The following BRINP3 variants were observed in gnomAD, a reference collection of about 807,000 sequenced individuals.
BRINP3 encodes the protein BMP/retinoic acid inducible neural specific 3.
A neutral mutation model predicts 71.0 loss-of-function variants in BRINP3; 19 were observed. The ratio of observed to expected loss-of-function variants is 0.27; its 90% CI spans 0.19 to 0.39. The LOEUF is 0.39. BRINP3 is among the 10% of genes least tolerant of loss of function. The probability of loss-of-function intolerance (pLI) is 1.00; values close to 1 mark genes in which losing one functional copy is unlikely to be tolerated. For synonymous variants in BRINP3, 380 were observed against 337.7 expected (o/e 1.13, Z -1.37); for missense variants, 959 against 940.8 (o/e 1.02, Z -0.25).
At chr1:190,341,526 T>C (rs1199899452) in intron 2 of BRINP3, among the ~76,000 whole-genome samples, 2 of 151,820 alleles carry the variant, frequency 1.3e-5, no homozygotes, top group African/African-American at 2.4e-5. Context: ...TAAGCACATA[T>C]AGCATAATAC....
intron 2 of BRINP3, among the ~76,000 whole-genome samples, chr1:190,326,721 CAAAT>C (rs1252645868): frequency 6.6e-6 from 1 of 151,918 alleles, no homozygotes; most frequent in African/African-American, 2.4e-5. Flanking sequence ...AAGCAAATAA[CAAAT>C]AAAATATTTT....
At chr1:190,117,709 G>C (rs1483682897) in intron 7 of BRINP3, among the ~76,000 whole-genome samples, 1 of 151,938 alleles carries the variant, frequency 6.6e-6, no homozygotes, top group East Asian at 1.9e-4. Flanking sequence ...AACAAAACCA[G>C]CTGTAATTTA....
chr1:190,297,446 G>A (rs1279136395), intron 2 of BRINP3, among the ~76,000 whole-genome samples: 2 of 151,892 alleles, frequency 1.3e-5, no homozygotes, highest in East Asian at 3.9e-4. Context: ...GGAGAGAAAA[G>A]CTCCTTGTTT....
rs569399022 is a variant in BRINP3, at chr1:190,330,838, A to C, written c.237-49088T>G. 9.5e-4 allele frequency among the ~76,000 whole-genome samples: 144 copies of C among 152,134 alleles called. 1 individual carries two copies. Among genetic ancestry groups the C allele is most frequent in the Non-Finnish European group, 1.3e-3 (88 of 67,988 alleles). On this transcript the variant is annotated intron_variant, in intron 2 of 7. Transcript: ENST00000367462. ...AATTATGTCCTTTGCAGCAATGTGG[A>C]TGTAGCTGGAGTCTATTGTCCTAAG...
intron 2 of BRINP3, among the ~76,000 whole-genome samples, chr1:190,369,574 TA>T (rs1184496074): frequency 6.6e-6 from 1 of 152,028 alleles, no homozygotes; most frequent in African/African-American, 2.4e-5. Context: ...TCTGAGTATA[TA>T]ATGACAAAAC....
chr1:190,177,000 G>A (rs1267029688), intron 6 of BRINP3, among the ~76,000 whole-genome samples: 1 of 151,948 alleles, frequency 6.6e-6, no homozygotes, highest in African/African-American at 2.4e-5. Flanking sequence ...AATTGCATGG[G>A]GCAAATGGCC....
intron 2 of BRINP3, among the ~76,000 whole-genome samples, chr1:190,293,161 G>T (rs1663997029): frequency 6.6e-6 from 1 of 151,848 alleles, no homozygotes; most frequent in Non-Finnish European, 1.5e-5. Flanking sequence ...GGCATTTATT[G>T]TGATATTCTT....
At chr1:190,190,746 C>T (rs867514951) in intron 6 of BRINP3, among the ~76,000 whole-genome samples, 5 of 151,796 alleles carry the variant, frequency 3.3e-5, no homozygotes, top group African/African-American at 1.2e-4. Context: ...ATTGGGGTCT[C>T]TAAGATTAAA....
chr1:190,457,304 C>A (rs1571362975), intron 1 of BRINP3, among the ~76,000 whole-genome samples: 3 of 152,104 alleles, frequency 2.0e-5, no homozygotes, highest in African/African-American at 7.2e-5. Context: ...ATTAGCCAGG[C>A]AGGGTGGCAC....
intron 7 of BRINP3, among the ~76,000 whole-genome samples, chr1:190,109,788 C>G (rs892878352): frequency 2.6e-5 from 4 of 152,202 alleles, no homozygotes; most frequent in African/African-American, 9.7e-5. Context: ...GTTTCTCCAG[C>G]CTTTGGACTC....
At chr1:190,214,977 CTA>C (rs1452371315) in intron 6 of BRINP3, among the ~76,000 whole-genome samples, 1 of 151,184 alleles carries the variant, frequency 6.6e-6, no homozygotes, top group Non-Finnish European at 1.5e-5. Flanking sequence ...AAACATTTTT[CTA>C]TCTTGAATGC....
rs1666271111 is a variant in BRINP3, at chr1:190,321,881, GT to G, written c.237-40132del. On this transcript the variant is annotated intron_variant, in intron 2 of 7. Transcript: ENST00000367462. ...CTCAACATAACAAGAAGTAGTCTTT[GT>G]TTTAAAAATGATGTTGTTGTTCATG... Among the ~76,000 whole-genome samples, 11 of 152,068 alleles carry G rather than the reference GT, an allele frequency of 7.2e-5. 1 individual carries two copies. The South Asian group carries it at 2.3e-3, about 32-fold the overall frequency.
intron 2 of BRINP3, among the ~76,000 whole-genome samples, chr1:190,333,886 A>G (rs1464622615): frequency 6.6e-6 from 1 of 151,876 alleles, no homozygotes; most frequent in Admixed American, 6.6e-5. Flanking sequence ...CACATAATTA[A>G]TTTACTTGCT....
chr1:190,320,587 A>G (rs553676565), intron 2 of BRINP3, among the ~76,000 whole-genome samples: 11 of 152,108 alleles, frequency 7.2e-5, no homozygotes, highest in Non-Finnish European at 1.3e-4. Flanking sequence ...GGGTGGCCAG[A>G]GACCATCACA....
chr1:190,159,167 G>T (rs1385306119), intron 7 of BRINP3, among the ~76,000 whole-genome samples: 1 of 152,028 alleles, frequency 6.6e-6, no homozygotes, highest in Non-Finnish European at 1.5e-5. Context: ...AAAACCAAAA[G>T]ATATTATTTC....
At chr1:190,414,086 T>C (rs1355186286) in intron 2 of BRINP3, among the ~76,000 whole-genome samples, 3 of 152,140 alleles carry the variant, frequency 2.0e-5, no homozygotes, top group Non-Finnish European at 4.4e-5. Flanking sequence ...CTACCTGGCC[T>C]GATTTATTTT....
At chr1:190,203,867 C>T (rs1196537815) in intron 6 of BRINP3, among the ~76,000 whole-genome samples, 2 of 135,706 alleles carry the variant, frequency 1.5e-5, no homozygotes, top group Admixed American at 7.9e-5. Flanking sequence ...ATTATTGCAT[C>T]TTTTGAAATG....
intron 3 of BRINP3, among the ~76,000 whole-genome samples, chr1:190,273,759 T>C (rs1370153339): frequency 6.6e-6 from 1 of 151,598 alleles, no homozygotes; most frequent in Non-Finnish European, 1.5e-5. Flanking sequence ...TTGGATTTTC[T>C]CAATTGGCAT....
chr1:190,250,449 T>C (rs1660029815), intron 4 of BRINP3, among the ~76,000 whole-genome samples: 1 of 152,028 alleles, frequency 6.6e-6, no homozygotes, highest in Non-Finnish European at 1.5e-5. Flanking sequence ...TCATTTTTAC[T>C]CCAGCTTGCT....
Sources: gnomAD v4.1 joint callset for allele counts (sites outside exome capture counted in the v4.1 genomes callset) on GRCh38, gnomAD v4.1.1 for gene constraint, MANE v1.5 for transcripts, NCBI Gene and HGNC (gene_info 2026-07-23, HGNC 2026-07-21) for gene names.